PDS5A: variants seen among roughly 807,000 people sequenced by gnomAD.
The protein encoded by PDS5A is sister chromatid cohesion protein PDS5 homolog A.
A neutral mutation model predicts 167.1 loss-of-function variants in PDS5A; 42 were observed. That is an observed-to-expected ratio of 0.25 (90% CI 0.20 to 0.33). The LOEUF (loss-of-function observed/expected upper bound fraction) is 0.33, where lower values mean the gene tolerates loss of function less well. Ranked by LOEUF, PDS5A falls within the 10% of genes least tolerant of loss-of-function variation. The probability of loss-of-function intolerance (pLI) is 1.00; values close to 1 mark genes in which losing one functional copy is unlikely to be tolerated. For missense variants in PDS5A, 1,033 were observed against 1,605.9 expected, an observed-to-expected ratio of 0.64 and a Z score of 6.10; for synonymous variants, 553 against 554.6, an observed-to-expected ratio of 1.00 and a Z score of 0.04.
At chr4:39,962,131 C>T (rs1729535274) in intron 2 of PDS5A, among the ~76,000 whole-genome samples, 1 of 151,924 alleles carries the variant, frequency 6.6e-6, no homozygotes, top group Non-Finnish European at 1.5e-5. Context: ...AATCTCAGCT[C>T]ACTGCAAGCT....
At chr4:39,897,590 G>A (rs1218489580) in intron 16 of PDS5A, among the ~76,000 whole-genome samples, 1 of 151,920 alleles carries the variant, frequency 6.6e-6, no homozygotes. Context: ...GTAGAGATGG[G>A]GTTTCACCAA....
intron 19 of PDS5A, among the ~76,000 whole-genome samples, chr4:39,875,759 C>T (rs1042320971): frequency 6.6e-6 from 1 of 152,138 alleles, no homozygotes; most frequent in African/African-American, 2.4e-5. Flanking sequence ...TTTCCTCTCT[C>T]CTATCTGTTT....
intron 19 of PDS5A, 75 bp downstream of exon 19, chr4:39,876,918 G>T: frequency 1.8e-6 from 2 of 1,131,906 alleles, no homozygotes; most frequent in Non-Finnish European, 2.5e-6. Context: ...TTCCTACACA[G>T]AAGGAAAACA....
At position 39,952,510 on chromosome 4, in the gene PDS5A, A is replaced by G. The variant is rs148783193; in HGVS notation, c.138+23930T>C. 7.5e-3 allele frequency among the ~76,000 whole-genome samples: 1,139 copies of G among 152,082 alleles called. 7 individuals carry two copies. The highest frequency in any genetic ancestry group is 0.013 in the Non-Finnish European group (890 of 67,974). ...AATTTGTTAATCTTTTTTTTTTCTA[A>G]TGATGGGCTCATAGTCATCAAATTC... On this transcript the variant is annotated intron_variant, in intron 2 of 32. Coordinates refer to ENST00000303538, the MANE Select transcript of PDS5A (RefSeq NM_001100399.2).
At chr4:39,956,586 A>AT (rs1728945874) in intron 2 of PDS5A, among the ~76,000 whole-genome samples, 2 of 152,008 alleles carry the variant, frequency 1.3e-5, no homozygotes, top group Admixed American at 6.6e-5. Context: ...AAAAACATCT[A>AT]AAGACAATTT....
At chr4:39,828,347 CCTCT>C (rs1183528244) in intron 32 of PDS5A, among the ~76,000 whole-genome samples, 2 of 152,186 alleles carry the variant, frequency 1.3e-5, no homozygotes, top group Non-Finnish European at 2.9e-5. Context: ...TGCATATCTT[CCTCT>C]CTCTGTTTTG....
intron 12 of PDS5A, among the ~76,000 whole-genome samples, chr4:39,903,522 C>T (rs1723051222): frequency 6.6e-6 from 1 of 152,262 alleles, no homozygotes; most frequent in South Asian, 2.1e-4. Context: ...AAGTAATATT[C>T]AGAAAATGAA....
intron 2 of PDS5A, among the ~76,000 whole-genome samples, chr4:39,937,628 A>G (rs902026333): frequency 2.6e-5 from 4 of 152,196 alleles, no homozygotes; most frequent in African/African-American, 7.2e-5. Context: ...TATGTTGCCT[A>G]GGCTGGTCTC....
chr4:39,862,160 T>A (rs1381643211), intron 26 of PDS5A, 59 bp downstream of exon 26: 2 of 601,514 alleles, frequency 3.3e-6, no homozygotes, highest in Middle Eastern at 4.1e-4. Flanking sequence ...ACAAAAAATT[T>A]ACCATTTTTT....
intron 2 of PDS5A, among the ~76,000 whole-genome samples, chr4:39,971,751 C>A (rs1290578370): frequency 1.4e-4 from 21 of 152,134 alleles, no homozygotes; most frequent in Admixed American, 1.3e-3. Context: ...TGAGCCCCTG[C>A]GTCCGGGCTT....
chr4:39,909,984 T>C (rs1188827220), intron 10 of PDS5A: 1 of 311,256 alleles, frequency 3.2e-6, no homozygotes, highest in African/African-American at 2.1e-5. Flanking sequence ...CCGCCTGTAA[T>C]ACTCGGGATC....
At position 39,898,022 on chromosome 4, in the gene PDS5A, TTAC is replaced by T. The variant is rs143322658; in HGVS notation, c.1770+364_1770+366del. The T allele has an allele frequency of 1.2e-3, 1,179 of 963,994 alleles. 11 individuals carry two copies. In the African/African-American group the frequency reaches 0.019, roughly 15 times the overall value. 59.7% of individuals were successfully genotyped at this position (963,994 alleles called of 1,614,324 possible). A position where few individuals can be genotyped will look rare whatever the true frequency, so the allele number is the denominator to read the frequency against. On this transcript the variant is annotated intron_variant, in intron 16 of 32. Coordinates refer to ENST00000303538, the MANE Select transcript of PDS5A (RefSeq NM_001100399.2). ...AAATGAAACCAGATATATGGCAATG[TTAC>T]TACTACTAATTTATTGACGATTATT...
At chr4:39,859,638 T>A (rs1367437801) in intron 26 of PDS5A, among the ~76,000 whole-genome samples, 1 of 152,140 alleles carries the variant, frequency 6.6e-6, no homozygotes, top group African/African-American at 2.4e-5. Context: ...GAGAAACAGT[T>A]CAATTTCAGA....
At chr4:39,903,340 A>T (rs1480757374) in intron 12 of PDS5A, among the ~76,000 whole-genome samples, 1 of 152,218 alleles carries the variant, frequency 6.6e-6, no homozygotes, top group African/African-American at 2.4e-5. Context: ...TATTGCTTGT[A>T]TCTTCTTGCT....
chr4:39,937,002 T>C (rs1044076533), intron 2 of PDS5A: 16 of 152,280 alleles, frequency 1.1e-4, no homozygotes, highest in African/African-American at 3.1e-4. Context: ...CTTCGTATAC[T>C]CTTCTCATTG....
chr4:39,905,600 A>G (rs1723267003), intron 11 of PDS5A, among the ~76,000 whole-genome samples: 1 of 152,150 alleles, frequency 6.6e-6, no homozygotes, highest in Non-Finnish European at 1.5e-5. Flanking sequence ...CTATTCAAGG[A>G]TCATCAGACC....
At chr4:39,960,131 G>A (rs541550444) in intron 2 of PDS5A, among the ~76,000 whole-genome samples, 21 of 151,810 alleles carry the variant, frequency 1.4e-4, no homozygotes, top group African/African-American at 2.7e-4. Context: ...GTAGCTGGGC[G>A]TGGTGGCACG....
chr4:39,950,095 T>TG (rs1728206596), intron 2 of PDS5A, among the ~76,000 whole-genome samples: 1 of 151,926 alleles, frequency 6.6e-6, no homozygotes, highest in South Asian at 2.1e-4. Flanking sequence ...TTAGTAGAGA[T>TG]GGGGTTTCTC....
intron 32 of PDS5A, among the ~76,000 whole-genome samples, chr4:39,827,394 G>A (rs1297665791): frequency 6.6e-6 from 1 of 152,102 alleles, no homozygotes; most frequent in Non-Finnish European, 1.5e-5. Context: ...ACAGACTTCT[G>A]AAAGACCCAG....
Sources: gnomAD v4.1 joint callset for allele counts (sites outside exome capture counted in the v4.1 genomes callset) on GRCh38, gnomAD v4.1.1 for gene constraint, MANE v1.5 for transcripts, NCBI Gene and HGNC (gene_info 2026-07-23, HGNC 2026-07-21) for gene names.